Variants in GPC5 observed in about 807,000 individuals in gnomAD.
GPC5 encodes glypican-5.
In GPC5, 47 loss-of-function variants were observed where a neutral mutation model predicts 53.9. That is an observed-to-expected ratio of 0.87 (90% CI 0.69 to 1.11). The LOEUF (loss-of-function observed/expected upper bound fraction) is 1.11. Ranked by LOEUF, GPC5 falls within the 50% of genes most tolerant of loss-of-function variation. The pLI is 0.00. For synonymous variants in GPC5, 286 were observed against 263.3 expected (o/e 1.09, Z -0.84); for missense variants, 748 against 713.1 (o/e 1.05, Z -0.56).
intron 6 of GPC5, among the ~76,000 whole-genome samples, chr13:92,016,384 T>C (rs748196727): frequency 2.0e-5 from 3 of 152,206 alleles, no homozygotes; most frequent in Non-Finnish European, 4.4e-5. Flanking sequence ...ATGAATCATC[T>C]TATCTAAAGG....
chr13:92,580,535 T>C (rs999579332), intron 7 of GPC5, among the ~76,000 whole-genome samples: 1 of 152,152 alleles, frequency 6.6e-6, no homozygotes, highest in African/African-American at 2.4e-5. Context: ...GTAATTTACA[T>C]GTAAAATAAG....
At chr13:92,853,371 G>C (rs1381913174) in intron 7 of GPC5, among the ~76,000 whole-genome samples, 3 of 152,104 alleles carry the variant, frequency 2.0e-5, no homozygotes, top group Non-Finnish European at 4.4e-5. Context: ...ATCTCTTACT[G>C]TGCCTAATTT....
chr13:91,943,356 T>A (rs1256075312), intron 6 of GPC5, among the ~76,000 whole-genome samples: 1 of 152,162 alleles, frequency 6.6e-6, no homozygotes, highest in Non-Finnish European at 1.5e-5. Context: ...AAGCTTTTTT[T>A]TTTTAACTGA....
intron 6 of GPC5, among the ~76,000 whole-genome samples, chr13:92,085,537 C>A (rs1337075461): frequency 1.3e-5 from 2 of 152,002 alleles, no homozygotes; most frequent in East Asian, 1.9e-4. Context: ...TTTTCACAGA[C>A]CTGGTGGTGG....
chr13:92,837,791 TAAG>T (rs957501171), intron 7 of GPC5, among the ~76,000 whole-genome samples: 1 of 152,110 alleles, frequency 6.6e-6, no homozygotes, highest in African/African-American at 2.4e-5. Flanking sequence ...AAGTGGACCT[TAAG>T]AAGGTCACAA....
At chr13:91,830,962 CTATTATA>C (rs1335630138) in intron 5 of GPC5, among the ~76,000 whole-genome samples, 1 of 129,134 alleles carries the variant, frequency 7.7e-6, no homozygotes, top group Non-Finnish European at 1.6e-5. Flanking sequence ...GATATATATC[CTATTATA>C]TATTATATAT....
intron 7 of GPC5, among the ~76,000 whole-genome samples, chr13:92,290,739 C>A (rs961199856): frequency 3.3e-5 from 5 of 152,196 alleles, no homozygotes; most frequent in South Asian, 2.1e-4. Flanking sequence ...GTCCTCACAG[C>A]TCTCGCTCGC....
intron 7 of GPC5, among the ~76,000 whole-genome samples, chr13:92,158,002 A>G (rs1348088643): frequency 6.6e-6 from 1 of 152,214 alleles, no homozygotes; most frequent in African/African-American, 2.4e-5. Flanking sequence ...AGGAATAAAG[A>G]ATACATAAAT....
chr13:91,545,537 T>A (rs1453218258), intron 2 of GPC5, among the ~76,000 whole-genome samples: 2 of 152,076 alleles, frequency 1.3e-5, no homozygotes, highest in African/African-American at 4.8e-5. Flanking sequence ...TTATAAAAAA[T>A]TATTGTGGTG....
chr13:92,082,074 T>A (rs1334285001), intron 6 of GPC5, among the ~76,000 whole-genome samples: 1 of 152,194 alleles, frequency 6.6e-6, no homozygotes, highest in Non-Finnish European at 1.5e-5. Flanking sequence ...TCCTAGTAGC[T>A]ATGTTAAAAT....
At chr13:92,155,582 A>G (rs1284157609) in intron 7 of GPC5, among the ~76,000 whole-genome samples, 1 of 151,594 alleles carries the variant, frequency 6.6e-6, no homozygotes, top group African/African-American at 2.4e-5. Flanking sequence ...CGTTTGTTGA[A>G]TTTTCTTTAT....
At position 91,917,786 on chromosome 13, in the gene GPC5, A is replaced by G. The variant is rs188464526; in HGVS notation, c.1401+9729A>G. On this transcript the variant is annotated intron_variant, in intron 6 of 7. Transcript: ENST00000377067. ...TCCACATGAGACCACCTCAGGTTGG[A>G]CTTCATTGTCCATATCACTATCAGT... Among the ~76,000 whole-genome samples the G allele has an allele frequency of 4.7e-3, 718 of 152,232 alleles. 7 individuals are homozygous for G. Among genetic ancestry groups the G allele is most frequent in the African/African-American group, 0.016 (670 of 41,548 alleles).
chr13:92,500,700 G>C (rs940748498), intron 7 of GPC5, among the ~76,000 whole-genome samples: 1 of 152,132 alleles, frequency 6.6e-6, no homozygotes, highest in Non-Finnish European at 1.5e-5. Context: ...GCTATCCAAG[G>C]AAGAGGCATC....
At chr13:91,559,758 G>A (rs1744575859) in intron 2 of GPC5, among the ~76,000 whole-genome samples, 1 of 151,984 alleles carries the variant, frequency 6.6e-6, no homozygotes, top group Non-Finnish European at 1.5e-5. Flanking sequence ...AGGAGCAGGG[G>A]CTTTGAAAAT....
intron 7 of GPC5, among the ~76,000 whole-genome samples, chr13:92,629,950 G>C (rs963972246): frequency 6.6e-6 from 1 of 152,186 alleles, no homozygotes; most frequent in Non-Finnish European, 1.5e-5. Flanking sequence ...AACGATAAAA[G>C]AGTGCATTTG....
rs544669680 is a variant in GPC5 at position 92,862,026 on chromosome 13, G to A, written c.1562-4256G>A. Among the ~76,000 whole-genome samples the A allele has an allele frequency of 3.3e-5, 5 of 152,314 alleles. No homozygotes were observed. The East Asian group carries it at 9.6e-4, about 29-fold the overall frequency. On this transcript the variant is annotated intron_variant, in intron 7 of 7. Transcript: ENST00000377067. ...ATAGCTAAAGTCAACCAGCTAGACT[G>A]TGGCAAAGCCAGAATTTGACCTCGA...
chr13:92,165,779 C>T (rs1365059493), intron 7 of GPC5, among the ~76,000 whole-genome samples: 1 of 152,184 alleles, frequency 6.6e-6, no homozygotes, highest in African/African-American at 2.4e-5. Context: ...GAATAACAGT[C>T]AATTCTAGTA....
intron 2 of GPC5, among the ~76,000 whole-genome samples, chr13:91,683,923 C>T (rs568353302): frequency 3.9e-5 from 6 of 152,256 alleles, no homozygotes; most frequent in Admixed American, 3.9e-4. Context: ...ATAACGTTGC[C>T]TTAATTCTTG....
intron 7 of GPC5, among the ~76,000 whole-genome samples, chr13:92,239,671 AAC>A (rs1417293283): frequency 1.3e-5 from 2 of 152,062 alleles, no homozygotes; most frequent in African/African-American, 4.8e-5. Flanking sequence ...ATTATATATA[AAC>A]ATCTCAGAAA....
Sources: allele counts gnomAD v4.1 joint callset (sites outside exome capture counted in the v4.1 genomes callset), GRCh38; gene constraint gnomAD v4.1.1; transcripts MANE v1.5; gene names NCBI Gene and HGNC (gene_info 2026-07-23, HGNC 2026-07-21).